Variants in CREBZF observed in about 807,000 individuals in gnomAD.
CREBZF encodes HCF-binding transcription factor Zhangfei.
Under a neutral mutation model 21.1 loss-of-function variants are expected in CREBZF, and 8 were observed. That is an observed-to-expected ratio of 0.38 (90% CI 0.22 to 0.68). The LOEUF (loss-of-function observed/expected upper bound fraction) is 0.68, where lower values mean the gene tolerates loss of function less well. CREBZF is among the 30% of genes least tolerant of loss of function. CREBZF has a pLI of 0.51. For synonymous variants in CREBZF, 270 were observed against 223.3 expected, an observed-to-expected ratio of 1.21 and a Z score of -1.86; for missense variants, 518 against 484.3, an observed-to-expected ratio of 1.07 and a Z score of -0.65.
At chr11:85,667,421 C>T (rs2082880302), upstream of CREBZF, among the ~76,000 whole-genome samples, 2 of 152,166 alleles carry the variant, frequency 1.3e-5, no homozygotes, top group South Asian at 4.1e-4. Flanking sequence ...TGTCACATGA[C>T]CAATTGACAT....
chr11:85,682,259 T>C (rs1273777417), intron 1 of CREBZF, among the ~76,000 whole-genome samples: 1 of 152,096 alleles, frequency 6.6e-6, no homozygotes, highest in Non-Finnish European at 1.5e-5. Flanking sequence ...GAACCTCCCT[T>C]GAAAAGTTGT....
Position 85,664,529 on chromosome 11 carries a change from G to A in CREBZF, c.347C>T (p.Pro116Leu). 6.2e-7 allele frequency: 1 copy of A among 1,613,762 alleles called. No individual in the cohort carries two copies. The highest frequency in any genetic ancestry group is 8.5e-7 in the Non-Finnish European group (1 of 1,179,964). The change falls in exon 1 of 1, where the codon CCG becomes CTG. Residue 116 changes from proline (P) to leucine (L), a missense_variant. Pro to Leu is a moderately conservative substitution (Grantham distance 98, BLOSUM62 -3). This residue lies in a region of CREBZF where 396 missense variants were observed against 324.4 expected (regional missense o/e 1.22). Coordinates refer to ENST00000527447, the MANE Select transcript of CREBZF (RefSeq NM_001039618.4). This position sits in a 1 kb window ranked among gnomAD's most constrained non-coding sequence, Gnocchi z 5.5. The stretch of plus-strand genomic sequence containing the variant: ...AAGCCCGGGGTCCAGGTGCCAGTCC[G>A]GTTGCCTGGGGTCCAGGAGATCCGC... Reference protein sequence around the residue: ...ELADLLDPRQPDWHLDPGLSS... With the variant: ...ELADLLDPRQLDWHLDPGLSS...
At chr11:85,670,300 C>CTTTTTTT (rs1178979017) in intron 1 of CREBZF, among the ~76,000 whole-genome samples, 4 of 39,218 alleles carry the variant, frequency 1.0e-4, no homozygotes, top group Admixed American at 4.5e-4. Flanking sequence ...ATCTCAAGTT[C>CTTTTTTT]TTTTTTTTTT....
Position 85,677,260 on chromosome 11 carries a change from C to T in CREBZF, n.147+5457G>A, listed in dbSNP as rs538971800. Among the ~76,000 whole-genome samples, 19 of 152,166 alleles carry T rather than the reference C, an allele frequency of 1.2e-4. No homozygotes were observed. The South Asian group carries it at 3.1e-3, about 25-fold the overall frequency. ...GATTACAGGTGTGAGCCACCACACC[C>T]GGCTTAAGTCATTTTTTTGTGTAGC... On this transcript the variant is annotated intron_variant and non_coding_transcript_variant, in intron 1 of 3. Coordinates refer to the CREBZF transcript ENST00000531515.
Position 85,661,586 on chromosome 11 carries a change from G to A in CREBZF, c.*2225C>T, listed in dbSNP as rs1043236155. 3.3e-5 allele frequency: 5 copies of A among 152,540 alleles called. No homozygotes were observed. The highest frequency in any genetic ancestry group is 7.4e-5 in the Non-Finnish European group (5 of 67,996). 9.4% of individuals were successfully genotyped at this position (152,540 alleles called of 1,614,324 possible). On this transcript the variant is annotated 3_prime_UTR_variant, in exon 1 of 1. Coordinates refer to ENST00000527447, the MANE Select transcript of CREBZF (RefSeq NM_001039618.4). ...TAATGCAGGAAAAGTATTGACGTAAGGAAGAAAATACTCCAACAGAATGTT... is the reference window on the plus strand; with the variant it reads ...TAATGCAGGAAAAGTATTGACGTAAAGAAGAAAATACTCCAACAGAATGTT...
chr11:85,664,816 A>G lies in CREBZF; in HGVS notation c.60T>C (p.Ser20=). 1 of 1,561,166 alleles carries G rather than the reference A, an allele frequency of 6.4e-7. No individual in the cohort carries two copies. The highest frequency in any genetic ancestry group is 8.6e-7 in the Non-Finnish European group (1 of 1,157,856). ...AASGSNSPTR[S]ESPEPAATCS... ...AAGTTGCAGCCGGCTCCGGGCTCTC[A>G]CTGCGGGTTGGGGAGTTGCTGCCCG... The change falls in exon 1 of 1, where the codon AGT becomes AGC. Residue 20 remains serine (S), a synonymous_variant. Coordinates refer to ENST00000527447, the MANE Select transcript of CREBZF (RefSeq NM_001039618.4). The surrounding 1 kb of genome is among the most constrained non-coding windows in gnomAD (Gnocchi z 5.5).
At chr11:85,679,048 G>T (rs1244533620) in intron 1 of CREBZF, among the ~76,000 whole-genome samples, 3 of 152,318 alleles carry the variant, frequency 2.0e-5, no homozygotes, top group Admixed American at 6.5e-5. Flanking sequence ...TCTGGCCAGA[G>T]AATCTCTTGA....
Position 85,664,896 on chromosome 11 carries a change from G to C in CREBZF, c.-21C>G, listed in dbSNP as rs376980886. ...CTCATGAGGGCCAGCGGCGGGCCGC[G>C]GTAGGCCCCGGCCGCTAAGAGTGGG... is the stretch of plus-strand genomic sequence containing the variant. On this transcript the variant is annotated 5_prime_UTR_variant, in exon 1 of 1. Transcript: ENST00000527447. The surrounding 1 kb of genome is among the most constrained non-coding windows in gnomAD (Gnocchi z 5.5). 291 of 1,439,236 alleles carry C rather than the reference G, an allele frequency of 2.0e-4. No individual in the cohort carries two copies. In the African/African-American group the frequency reaches 3.5e-3, roughly 18 times the overall value. The allele number at this position is 1,439,236 out of a possible 1,614,324, so 89.2% of individuals were successfully genotyped here. A position where few individuals can be genotyped will look rare whatever the true frequency, so the allele number is the denominator to read the frequency against.
At chr11:85,678,654 A>G (rs575373765) in intron 1 of CREBZF, among the ~76,000 whole-genome samples, 2 of 152,338 alleles carry the variant, frequency 1.3e-5, no homozygotes, top group South Asian at 2.1e-4. Context: ...TTCATTGAAA[A>G]TACTGTTTTC....
At chr11:85,670,932 C>A (rs1156233461) in intron 1 of CREBZF, among the ~76,000 whole-genome samples, 1 of 152,042 alleles carries the variant, frequency 6.6e-6, no homozygotes, top group East Asian at 1.9e-4. Flanking sequence ...AACTTTTGTC[C>A]TTATAAAAAG....
At position 85,664,879 on chromosome 11, in the gene CREBZF, G is replaced by T. The variant is rs754016674; in HGVS notation, c.-4C>A. The T allele has an allele frequency of 1.2e-5, 18 of 1,467,056 alleles. No individual in the cohort carries two copies. The highest frequency in any genetic ancestry group is 1.4e-5 in the Non-Finnish European group (16 of 1,115,672). 90.9% of individuals were successfully genotyped at this position (1,467,056 alleles called of 1,614,324 possible). On this transcript the variant is annotated 5_prime_UTR_variant, in exon 1 of 1. Transcript: ENST00000527447. The surrounding 1 kb of genome is among the most constrained non-coding windows in gnomAD (Gnocchi z 5.5). ...GCTTGGTCAGGCTATGCCTCATGAGGGCCAGCGGCGGGCCGCGGTAGGCCC... is the reference window on the plus strand; with the variant it reads ...GCTTGGTCAGGCTATGCCTCATGAGTGCCAGCGGCGGGCCGCGGTAGGCCC...
intron 1 of CREBZF, among the ~76,000 whole-genome samples, chr11:85,679,331 T>C (rs1332969118): frequency 1.3e-5 from 2 of 152,220 alleles, no homozygotes; most frequent in Non-Finnish European, 1.5e-5. Flanking sequence ...TCCAGAAGGA[T>C]GCAAAGTCAG....
At position 85,664,938 on chromosome 11, in the gene CREBZF, G is replaced by T; in HGVS notation, c.-63C>A. The T allele has an allele frequency of 8.1e-7, 1 of 1,236,484 alleles. No homozygotes were observed. Among genetic ancestry groups the T allele is most frequent in the Non-Finnish European group, 1.1e-6 (1 of 939,662 alleles). The allele number at this position is 1,236,484 out of a possible 1,614,324, so 76.6% of individuals were successfully genotyped here. On this transcript the variant is annotated 5_prime_UTR_variant, in exon 1 of 1. Coordinates refer to ENST00000527447, the MANE Select transcript of CREBZF (RefSeq NM_001039618.4). This position sits in a 1 kb window ranked among gnomAD's most constrained non-coding sequence, Gnocchi z 5.5. Reference sequence around the variant, plus strand: ...AAGAGTGGGCCTCACGGGCCCCAAGGATCCCAGGCCCCAGGGCGGGTAGCC... The same window carrying T: ...AAGAGTGGGCCTCACGGGCCCCAAGTATCCCAGGCCCCAGGGCGGGTAGCC...
chr11:85,669,268 A>T (rs2082895086), upstream of CREBZF, among the ~76,000 whole-genome samples: 1 of 152,106 alleles, frequency 6.6e-6, no homozygotes, highest in African/African-American at 2.4e-5. Context: ...TTGGGGAGGC[A>T]GTTTGAAAAA....
In CREBZF at chr11:85,661,058, G is replaced by T. The variant is rs2082661325; in HGVS notation, c.*2753C>A. 1 of 153,458 alleles carries T rather than the reference G, an allele frequency of 6.5e-6. No individual in the cohort carries two copies. The highest frequency in any genetic ancestry group is 2.4e-5 in the African/African-American group (1 of 41,438). 9.5% of individuals were successfully genotyped at this position (153,458 alleles called of 1,614,324 possible). ...GAACACAATTTTCTAAAAATAGTAAGACAACAGTTTCACATTAATCATAAC... is the reference window on the plus strand; with the variant it reads ...GAACACAATTTTCTAAAAATAGTAATACAACAGTTTCACATTAATCATAAC... On this transcript the variant is annotated 3_prime_UTR_variant, in exon 1 of 1. Coordinates refer to ENST00000527447, the MANE Select transcript of CREBZF (RefSeq NM_001039618.4).
At position 85,658,117 on chromosome 11, in the gene CREBZF, C is replaced by G. The variant is rs2082568695; in HGVS notation, c.*5694G>C. Among the ~76,000 whole-genome samples, 1 of 151,792 alleles carries G rather than the reference C, an allele frequency of 6.6e-6. No homozygotes were observed. Among genetic ancestry groups the G allele is most frequent in the Non-Finnish European group, 1.5e-5 (1 of 67,806 alleles). On this transcript the variant is annotated 3_prime_UTR_variant, in exon 1 of 1. Transcript: ENST00000527447. Reference sequence around the variant, plus strand: ...TACTAAAAGCAGAGTTCTACTCATCCCAGTGAAAAAAACAATGAATTAAAA... The same window carrying G: ...TACTAAAAGCAGAGTTCTACTCATCGCAGTGAAAAAAACAATGAATTAAAA...
At position 85,661,676 on chromosome 11, in the gene CREBZF, C is replaced by G. The variant is rs2082684529; in HGVS notation, c.*2135G>C. 1 of 152,504 alleles carries G rather than the reference C, an allele frequency of 6.6e-6. No homozygotes were observed. The highest frequency in any genetic ancestry group is 1.5e-5 in the Non-Finnish European group (1 of 67,978). The allele number at this position is 152,504 out of a possible 1,614,324, so 9.4% of individuals were successfully genotyped here. ...TTTTAAGACCCACAGTCAGCATTAA[C>G]AATCATTTTTCCTATTTTCATCCAT... is the stretch of plus-strand genomic sequence containing the variant. On this transcript the variant is annotated 3_prime_UTR_variant, in exon 1 of 1. Transcript: ENST00000527447.
intron 1 of CREBZF, among the ~76,000 whole-genome samples, chr11:85,679,449 T>C (rs909691245): frequency 6.6e-6 from 1 of 152,206 alleles, no homozygotes; most frequent in African/African-American, 2.4e-5. Context: ...ATATATTCAG[T>C]GAATGAGTTA....
chr11:85,658,691 A>T lies in CREBZF; in HGVS notation c.*5120T>A, dbSNP rs2082586694. On this transcript the variant is annotated 3_prime_UTR_variant, in exon 1 of 1. Coordinates refer to ENST00000527447, the MANE Select transcript of CREBZF (RefSeq NM_001039618.4). The stretch of plus-strand genomic sequence containing the variant: ...GCTCACATTCTATTTAAATTAAGAC[A>T]ATATATTTTATAAAGCCCAAATTAT... 6.6e-6 allele frequency among the ~76,000 whole-genome samples: 1 copy of T among 152,092 alleles called. No individual in the cohort carries two copies. The highest frequency in any genetic ancestry group is 1.9e-4 in the East Asian group (1 of 5,192).
Sources: gnomAD v4.1 joint callset for allele counts (sites outside exome capture counted in the v4.1 genomes callset) on GRCh38, gnomAD v4.1.1 for gene constraint, gnomAD v4.1.1 regional missense constraint, Gnocchi (gnomAD v3.1) non-coding constraint, MANE v1.5 for transcripts, NCBI Gene and HGNC (gene_info 2026-07-23, HGNC 2026-07-21) for gene names.